FIRRM: variants seen among roughly 807,000 people sequenced by gnomAD.
FIRRM encodes the protein FIGNL1 interacting regulator of recombination and mitosis, also known as FIGNL1-interacting regulator of recombination and mitosis.
chr1:169,792,473 A>T, the FIRRM span: 1 of 1,108,066 alleles, frequency 9.0e-7, no homozygotes, highest in East Asian at 2.7e-5. Flanking sequence ...AAAACTAAAC[A>T]AACAACATCA....
the FIRRM span, among the ~76,000 whole-genome samples, chr1:169,809,315 T>TA: frequency 1.3e-5 from 2 of 152,170 alleles, no homozygotes; most frequent in Non-Finnish European, 2.9e-5. Context: ...TGATTCCTCT[T>TA]ACCTTGCTAA....
the FIRRM span, chr1:169,830,111 T>A: frequency 1.6e-6 from 1 of 631,074 alleles, no homozygotes; most frequent in African/African-American, 1.8e-5. Flanking sequence ...GCAGTGTCCT[T>A]TCAGATACTA....
chr1:169,817,716 C>T, the FIRRM span, among the ~76,000 whole-genome samples: 1 of 152,094 alleles, frequency 6.6e-6, no homozygotes, highest in African/African-American at 2.4e-5. Context: ...CAGTATAAAA[C>T]TGTATAGACA....
chr1:169,835,447 C>G, the FIRRM span, among the ~76,000 whole-genome samples: 1 of 152,154 alleles, frequency 6.6e-6, no homozygotes, highest in Admixed American at 6.5e-5. Context: ...TATGCCTTAT[C>G]TAAGCACACT....
chr1:169,784,683 C>G, the FIRRM span, among the ~76,000 whole-genome samples: 1 of 151,884 alleles, frequency 6.6e-6, no homozygotes, highest in Non-Finnish European at 1.5e-5. Flanking sequence ...ACAAAGTCCC[C>G]TGACTAACAA....
chr1:169,843,653 A>G, the FIRRM span: 1 of 1,553,948 alleles, frequency 6.4e-7, no homozygotes, highest in Non-Finnish European at 8.9e-7. Flanking sequence ...TTTTTCTTCA[A>G]AATTACTTTG....
chr1:169,807,070 AAG>A, the FIRRM span, among the ~76,000 whole-genome samples: 1 of 152,180 alleles, frequency 6.6e-6, no homozygotes, highest in African/African-American at 2.4e-5. Context: ...CTATTGCTTG[AAG>A]TCTATCCCAT....
the FIRRM span, among the ~76,000 whole-genome samples, chr1:169,828,101 T>G: frequency 1.3e-5 from 2 of 152,220 alleles, no homozygotes; most frequent in Non-Finnish European, 2.9e-5. Context: ...TAAACATTGA[T>G]TGTAATAGAG....
the FIRRM span, chr1:169,792,804 T>C: frequency 1.2e-6 from 2 of 1,613,418 alleles, no homozygotes; most frequent in East Asian, 4.5e-5. Flanking sequence ...TAATCTGGGT[T>C]GTAAATGGTT....
chr1:169,789,597 T>C, the FIRRM span, among the ~76,000 whole-genome samples: 201 of 152,218 alleles, frequency 1.3e-3, no homozygotes, highest in African/African-American at 4.6e-3. Flanking sequence ...TAGAAGCAAA[T>C]TTACAAGACG....
chr1:169,824,295 CA>C, the FIRRM span, among the ~76,000 whole-genome samples: 1 of 152,198 alleles, frequency 6.6e-6, no homozygotes, highest in Non-Finnish European at 1.5e-5. Flanking sequence ...CTCCATTGTG[CA>C]TTGGATTTCA....
the FIRRM span, among the ~76,000 whole-genome samples, chr1:169,843,003 G>C: frequency 6.6e-6 from 1 of 152,174 alleles, no homozygotes; most frequent in Non-Finnish European, 1.5e-5. Context: ...TAAAACTAAT[G>C]ATATGCATCC....
At chr1:169,802,850 A>G in the FIRRM span, 1 of 623,822 alleles carries the variant, frequency 1.6e-6, no homozygotes, top group South Asian at 2.2e-5. Context: ...AATTTATAGA[A>G]TTAAAGACGT....
the FIRRM span, chr1:169,793,861 A>G: frequency 1.9e-6 from 1 of 518,466 alleles, no homozygotes; most frequent in South Asian, 5.6e-5. Context: ...TTTCCAAATG[A>G]CTTTTTAGAC....
chr1:169,798,921 A>AT, the FIRRM span: 1 of 1,327,230 alleles, frequency 7.5e-7, no homozygotes, highest in Non-Finnish European at 1.0e-6. Context: ...TATCCTACTC[A>AT]TTGTCTCAAC....
At chr1:169,852,901 C>T in the FIRRM span, 2 of 1,614,062 alleles carry the variant, frequency 1.2e-6, no homozygotes, top group Non-Finnish European at 1.7e-6. Flanking sequence ...CCAAAAGGGT[C>T]CTGCTCCAGC....
At chr1:169,832,532 C>CT in the FIRRM span, 53 of 1,549,406 alleles carry the variant, frequency 3.4e-5, no homozygotes, top group Non-Finnish European at 3.6e-6. Flanking sequence ...ATCTTTGTCA[C>CT]TGTCTGTGAA....
At chr1:169,815,901 C>T in the FIRRM span, among the ~76,000 whole-genome samples, 340 of 152,266 alleles carry the variant, frequency 2.2e-3, 1 homozygote, top group Non-Finnish European at 3.6e-3. Flanking sequence ...ATAACTTCTT[C>T]GGGCTGAATA....
At chr1:169,792,605 A>T in the FIRRM span, 1 of 1,568,306 alleles carries the variant, frequency 6.4e-7, no homozygotes. Context: ...AGTTATTTCA[A>T]TTATGAACCT....
Sources: gnomAD v4.1 joint callset for allele counts (sites outside exome capture counted in the v4.1 genomes callset) on GRCh38, gnomAD v4.1.1 for gene constraint, MANE v1.5 for transcripts, NCBI Gene and HGNC (gene_info 2026-07-23, HGNC 2026-07-21) for gene names.